The following PTER variants were observed in gnomAD, a reference collection of about 807,000 sequenced individuals.
PTER encodes phosphotriesterase related.
Under a neutral mutation model 29.6 loss-of-function variants are expected in PTER, and 38 were observed. The ratio of observed to expected loss-of-function variants is 1.28; its 90% CI spans 0.99 to 1.68. The LOEUF (loss-of-function observed/expected upper bound fraction) is 1.68, where lower values mean the gene tolerates loss of function less well. Ranked by LOEUF, PTER falls within the 40% of genes most tolerant of loss-of-function variation. The probability of loss-of-function intolerance (pLI) is 0.00; values close to 1 mark genes in which losing one functional copy is unlikely to be tolerated. For missense variants in PTER, 482 were observed against 427.8 expected, an observed-to-expected ratio of 1.13 and a Z score of -1.12; for synonymous variants, 172 against 154.5, an observed-to-expected ratio of 1.11 and a Z score of -0.84.
At chr10:16,456,496 C>G (rs1834399289) in intron 1 of PTER, among the ~76,000 whole-genome samples, 1 of 152,156 alleles carries the variant, frequency 6.6e-6, no homozygotes, top group East Asian at 1.9e-4. Flanking sequence ...GAAAAGCAAA[C>G]AAGGAGACTC....
chr10:16,437,843 C>G (rs935762379), intron 1 of PTER, among the ~76,000 whole-genome samples: 1 of 152,164 alleles, frequency 6.6e-6, no homozygotes, highest in Non-Finnish European at 1.5e-5. Context: ...TGCTGTTACT[C>G]TCTTAGACTA....
At chr10:16,477,258 C>CGATAGATAGATAGATA (rs56294482) in intron 1 of PTER, among the ~76,000 whole-genome samples, 5,912 of 147,974 alleles carry the variant, frequency 0.04, 158 homozygotes, top group African/African-American at 0.065. Context: ...TTCTGTCTTT[C>CGATAGATAGATAGATA]GATAGATAGA....
intron 1 of PTER, among the ~76,000 whole-genome samples, chr10:16,452,871 G>T (rs1195840600): frequency 6.6e-6 from 1 of 152,096 alleles, no homozygotes; most frequent in Non-Finnish European, 1.5e-5. Flanking sequence ...TCCTGCCTCA[G>T]CCTCCCAAGT....
chr10:16,485,564 C>A (rs1173852800), intron 2 of PTER, among the ~76,000 whole-genome samples: 3 of 152,146 alleles, frequency 2.0e-5, no homozygotes, highest in East Asian at 3.8e-4. Flanking sequence ...ATCACTTACT[C>A]TCTGGAGTAT....
intron 1 of PTER, among the ~76,000 whole-genome samples, chr10:16,450,699 G>T (rs1358556245): frequency 6.6e-6 from 1 of 151,922 alleles, no homozygotes; most frequent in Admixed American, 6.5e-5. Context: ...AAGAGGCTCA[G>T]TATGTGCTTC....
chr10:16,489,490 G>T (rs1392240677), intron 3 of PTER, among the ~76,000 whole-genome samples: 1 of 149,912 alleles, frequency 6.7e-6, no homozygotes, highest in African/African-American at 2.4e-5. Context: ...ATTTTTTGTT[G>T]TAACATCAGA....
Position 16,488,026 on chromosome 10 carries a change from T to G in PTER, c.698+1409T>G, listed in dbSNP as rs1008679531. 4.6e-5 allele frequency among the ~76,000 whole-genome samples: 7 copies of G among 152,236 alleles called. No individual in the cohort carries two copies. In the East Asian group the frequency reaches 1.3e-3, roughly 29 times the overall value. ...CTTAATAAAAAATACTGTGAAATCA[T>G]GTGCAGGAAATATAAACAAGTTGTA... On this transcript the variant is annotated intron_variant, in intron 3 of 4. Transcript: ENST00000535784.
At chr10:16,472,554 G>T (rs1418126242) in intron 1 of PTER, among the ~76,000 whole-genome samples, 2 of 152,140 alleles carry the variant, frequency 1.3e-5, no homozygotes, top group Non-Finnish European at 2.9e-5. Context: ...CCATGATTGA[G>T]AGTCCTCCCC....
At chr10:16,508,424 T>G (rs1050746005) in intron 4 of PTER, among the ~76,000 whole-genome samples, 4 of 152,156 alleles carry the variant, frequency 2.6e-5, no homozygotes, top group African/African-American at 9.7e-5. Context: ...CTGGATCGGC[T>G]TCCTTTTCCG....
intron 1 of PTER, among the ~76,000 whole-genome samples, chr10:16,442,136 C>T (rs1413494132): frequency 1.3e-5 from 2 of 152,088 alleles, no homozygotes; most frequent in Non-Finnish European, 2.9e-5. Flanking sequence ...AACTGAAAGC[C>T]CATTGCGACC....
chr10:16,505,300 G>C (rs994164662), intron 4 of PTER, 140 bp downstream of exon 4: 5 of 1,082,254 alleles, frequency 4.6e-6, no homozygotes, highest in African/African-American at 3.2e-5. Flanking sequence ...TATCTATGCT[G>C]TTTCAGGGAG....
chr10:16,514,214 AG>A, downstream of PTER: 1 of 430,450 alleles, frequency 2.3e-6, no homozygotes. Context: ...TCATATATAT[AG>A]AAGAAATAAT....
chr10:16,449,878 C>T (rs866685694), intron 1 of PTER, among the ~76,000 whole-genome samples: 7 of 152,266 alleles, frequency 4.6e-5, no homozygotes, highest in Middle Eastern at 3.4e-3. Flanking sequence ...CAAGGGAAAT[C>T]AGGCATTTCT....
downstream of PTER, chr10:16,514,596 C>T: frequency 6.2e-7 from 1 of 1,613,888 alleles, no homozygotes; most frequent in Non-Finnish European, 8.5e-7. Flanking sequence ...TGGGCTTTCC[C>T]GCCATCTAAT....
At chr10:16,444,424 A>T (rs1288785382) in intron 1 of PTER, among the ~76,000 whole-genome samples, 5 of 149,952 alleles carry the variant, frequency 3.3e-5, no homozygotes, top group Non-Finnish European at 7.4e-5. Flanking sequence ...TCAATACCTC[A>T]ATACCACGCC....
intron 3 of PTER, among the ~76,000 whole-genome samples, chr10:16,497,044 C>A (rs531350721): frequency 6.6e-6 from 1 of 151,600 alleles, no homozygotes; most frequent in Non-Finnish European, 1.5e-5. Context: ...CAGCAGTTCT[C>A]CTACCTCAGC....
chr10:16,490,706 G>A (rs796844228), intron 3 of PTER, among the ~76,000 whole-genome samples: 1 of 149,866 alleles, frequency 6.7e-6, no homozygotes, highest in African/African-American at 2.5e-5. Flanking sequence ...CATCTAGTCT[G>A]CCATACTGCT....
At chr10:16,498,060 G>A (rs1047157388) in intron 3 of PTER, among the ~76,000 whole-genome samples, 2 of 152,138 alleles carry the variant, frequency 1.3e-5, no homozygotes, top group African/African-American at 2.4e-5. Flanking sequence ...ACATGAACAA[G>A]TACTTGATAC....
intron 1 of PTER, among the ~76,000 whole-genome samples, chr10:16,480,316 A>G (rs1052307383): frequency 6.6e-6 from 1 of 151,044 alleles, no homozygotes; most frequent in Non-Finnish European, 1.5e-5. Context: ...CAGCCTCCCG[A>G]GTAGCCTCCC....
Sources: allele counts gnomAD v4.1 joint callset (sites outside exome capture counted in the v4.1 genomes callset), GRCh38; gene constraint gnomAD v4.1.1; transcripts MANE v1.5; gene names NCBI Gene and HGNC (gene_info 2026-07-23, HGNC 2026-07-21).